Variants in CSMD1 observed in about 807,000 individuals in gnomAD.
CSMD1 encodes the protein CUB and sushi domain-containing protein 1.
Under a neutral mutation model 417.5 loss-of-function variants are expected in CSMD1, and 213 were observed. That is an observed-to-expected ratio of 0.51 (90% confidence interval 0.46 to 0.57). The LOEUF (loss-of-function observed/expected upper bound fraction) is 0.57. Among genes scored for constraint, CSMD1 ranks in the 20% least tolerant of loss-of-function variants. The pLI is 0.00. For missense variants in CSMD1, 6,923 were observed against 4,529.7 expected, an observed-to-expected ratio of 1.53 and a Z score of -15.17; for synonymous variants, 2,862 against 1,736.8, an observed-to-expected ratio of 1.65 and a Z score of -16.11.
intron 49 of CSMD1, among the ~76,000 whole-genome samples, chr8:3,064,954 T>C (rs1157304965): frequency 6.6e-6 from 1 of 152,106 alleles, no homozygotes; most frequent in African/African-American, 2.4e-5. Context: ...AGAACAAAAC[T>C]TTGAAAACGA....
intron 3 of CSMD1, among the ~76,000 whole-genome samples, chr8:4,408,367 C>T (rs1452891255): frequency 6.6e-6 from 1 of 152,174 alleles, no homozygotes; most frequent in Non-Finnish European, 1.5e-5. Context: ...GTATCATCCT[C>T]TACTGTCAAA....
At chr8:4,753,626 G>C (rs1321929668) in intron 1 of CSMD1, among the ~76,000 whole-genome samples, 1 of 152,162 alleles carries the variant, frequency 6.6e-6, no homozygotes, top group Non-Finnish European at 1.5e-5. Context: ...GCGTCTCACT[G>C]TTCCGCAGCA....
At chr8:4,395,470 G>A (rs112112171) in intron 3 of CSMD1, among the ~76,000 whole-genome samples, 1 of 151,186 alleles carries the variant, frequency 6.6e-6, no homozygotes, top group Admixed American at 6.6e-5. Context: ...CAAGATTACT[G>A]TTTCGATGAA....
chr8:3,603,281 G>A (rs1037624079), intron 8 of CSMD1, among the ~76,000 whole-genome samples: 2 of 152,128 alleles, frequency 1.3e-5, no homozygotes, highest in Non-Finnish European at 2.9e-5. Flanking sequence ...AAAGCTACCT[G>A]CCTGCCTTCA....
At chr8:4,557,871 G>A (rs892184919) in intron 2 of CSMD1, among the ~76,000 whole-genome samples, 2 of 152,086 alleles carry the variant, frequency 1.3e-5, no homozygotes, top group Admixed American at 1.3e-4. Flanking sequence ...TAAATGAAAT[G>A]GGAGTCGGAC....
chr8:4,700,666 G>C (rs1807468090), intron 1 of CSMD1, among the ~76,000 whole-genome samples: 1 of 152,064 alleles, frequency 6.6e-6, no homozygotes, highest in Non-Finnish European at 1.5e-5. Flanking sequence ...GACACATAAA[G>C]AGAATATACT....
intron 1 of CSMD1, among the ~76,000 whole-genome samples, chr8:4,752,560 A>G (rs530467205): frequency 6.6e-6 from 1 of 152,318 alleles, no homozygotes; most frequent in African/African-American, 2.4e-5. Context: ...CCAGATGCAC[A>G]GAGTGAAAAC....
chr8:3,295,138 T>C (rs1003292377), intron 25 of CSMD1, among the ~76,000 whole-genome samples: 3 of 127,040 alleles, frequency 2.4e-5, no homozygotes, highest in African/African-American at 7.8e-5. Context: ...TATTTTATTT[T>C]ATTTGAGATG....
chr8:4,573,606 C>T (rs1208592865), intron 2 of CSMD1, among the ~76,000 whole-genome samples: 1 of 152,074 alleles, frequency 6.6e-6, no homozygotes, highest in Non-Finnish European at 1.5e-5. Flanking sequence ...GGGTCAGGGT[C>T]CCACTTGAGG....
chr8:4,699,103 C>T (rs1456558166), intron 1 of CSMD1, among the ~76,000 whole-genome samples: 1 of 152,138 alleles, frequency 6.6e-6, no homozygotes, highest in African/African-American at 2.4e-5. Context: ...GAGGTCTTCG[C>T]TTTCTCATTA....
At chr8:4,762,870 T>A (rs2117104350) in intron 1 of CSMD1, among the ~76,000 whole-genome samples, 1 of 152,304 alleles carries the variant, frequency 6.6e-6, no homozygotes, top group South Asian at 2.1e-4. Context: ...TTAATAATAT[T>A]TATTAGGCAT....
intron 5 of CSMD1, among the ~76,000 whole-genome samples, chr8:3,858,903 T>C (rs1804499405): frequency 6.6e-6 from 1 of 152,162 alleles, no homozygotes; most frequent in Non-Finnish European, 1.5e-5. Flanking sequence ...ATCTATATAT[T>C]TTACAAATGG....
chr8:3,794,911 C>T (rs1280586432), intron 5 of CSMD1, among the ~76,000 whole-genome samples: 1 of 151,760 alleles, frequency 6.6e-6, no homozygotes, highest in Non-Finnish European at 1.5e-5. Flanking sequence ...GTTTCCTACC[C>T]ATTTTCATCT....
At chr8:3,865,872 G>T (rs1313920762) in intron 5 of CSMD1, among the ~76,000 whole-genome samples, 1 of 152,056 alleles carries the variant, frequency 6.6e-6, no homozygotes, top group Admixed American at 6.6e-5. Context: ...TAGTATACTA[G>T]AATTATAAAT....
chr8:4,104,745 G>T (rs995216415), intron 3 of CSMD1, among the ~76,000 whole-genome samples: 4 of 152,196 alleles, frequency 2.6e-5, no homozygotes, highest in Admixed American at 6.5e-5. Context: ...AGAGCCCGGG[G>T]AAAAGCACAA....
chr8:4,871,480 A>C (rs1444595242), intron 1 of CSMD1, among the ~76,000 whole-genome samples: 1 of 152,086 alleles, frequency 6.6e-6, no homozygotes, highest in Non-Finnish European at 1.5e-5. Context: ...GAATATAATC[A>C]AGTTGACCCA....
chr8:3,362,868 T>C (rs1251005014), intron 20 of CSMD1, among the ~76,000 whole-genome samples: 1 of 152,184 alleles, frequency 6.6e-6, no homozygotes, highest in Non-Finnish European at 1.5e-5. Flanking sequence ...CTTGCATCTC[T>C]TGCTGGGATT....
At chr8:4,182,868 C>T (rs947524945) in intron 3 of CSMD1, among the ~76,000 whole-genome samples, 1 of 152,002 alleles carries the variant, frequency 6.6e-6, no homozygotes, top group African/African-American at 2.4e-5. Context: ...TAGCATCAAA[C>T]TCAGAGTCTA....
chr8:4,390,282 G>C (rs985923004), intron 3 of CSMD1, among the ~76,000 whole-genome samples: 1 of 151,990 alleles, frequency 6.6e-6, no homozygotes, highest in Non-Finnish European at 1.5e-5. Context: ...AAACTGTCAC[G>C]AGGAGCAATC....
Sources: allele counts gnomAD v4.1 joint callset (sites outside exome capture counted in the v4.1 genomes callset), GRCh38; gene constraint gnomAD v4.1.1; transcripts MANE v1.5; gene names NCBI Gene and HGNC (gene_info 2026-07-23, HGNC 2026-07-21).